The following PRDM10 variants were observed in gnomAD, a reference collection of about 807,000 sequenced individuals.
PRDM10 encodes PR domain zinc finger protein 10.
Under a neutral mutation model 133.1 loss-of-function variants are expected in PRDM10, and 65 were observed. The ratio of observed to expected loss-of-function variants is 0.49; its 90% CI spans 0.40 to 0.60. PRDM10 has a LOEUF of 0.60. Ranked by LOEUF, PRDM10 falls within the 20% of genes least tolerant of loss-of-function variation. The pLI, the probability that PRDM10 is intolerant of heterozygous loss-of-function variation, is 0.00. For synonymous variants in PRDM10, 582 were observed against 580.4 expected (o/e 1.00, Z -0.04); for missense variants, 1,137 against 1,507.1 (o/e 0.75, Z 4.07).
rs1950648211 is a variant in PRDM10, at chr11:129,925,448, G to C, written c.1531-219C>G. Among the ~76,000 whole-genome samples the C allele has an allele frequency of 1.3e-5, 2 of 151,758 alleles. 1 individual carries two copies. Among genetic ancestry groups the C allele is most frequent in the South Asian group, 4.2e-4 (2 of 4,816 alleles). On this transcript the variant is annotated intron_variant, in intron 11 of 20. Transcript: ENST00000360871. The stretch of plus-strand genomic sequence containing the variant: ...CATCTTAAAGAGATGAAATTTTTTT[G>C]TGTTTTGTTTTACATCTATGTATGT...
chr11:129,989,304 T>C (rs553095713), intron 1 of PRDM10, among the ~76,000 whole-genome samples: 1 of 151,680 alleles, frequency 6.6e-6, no homozygotes, highest in Non-Finnish European at 1.5e-5. Context: ...ACCCTGCCTC[T>C]GGGAGGGAAA....
chr11:129,977,353 G>A (rs1311364023), intron 1 of PRDM10, among the ~76,000 whole-genome samples: 3 of 151,104 alleles, frequency 2.0e-5, no homozygotes, highest in Non-Finnish European at 2.9e-5. Context: ...GCGCGATCTC[G>A]GCTCACTGCA....
chr11:129,942,208 T>C (rs547782851), intron 7 of PRDM10, among the ~76,000 whole-genome samples: 1 of 152,306 alleles, frequency 6.6e-6, no homozygotes, highest in Admixed American at 6.5e-5. Flanking sequence ...ACATAGGCCC[T>C]TTGATTAGCA....
At chr11:129,985,811 T>TAC (rs1938406644) in intron 1 of PRDM10, among the ~76,000 whole-genome samples, 1 of 60,296 alleles carries the variant, frequency 1.7e-5, no homozygotes, top group Admixed American at 1.9e-4. Flanking sequence ...AAAAAAAAAA[T>TAC]ATATATATAT....
chr11:129,969,455 C>G (rs1951970963), intron 1 of PRDM10, among the ~76,000 whole-genome samples: 2 of 152,074 alleles, frequency 1.3e-5, no homozygotes, highest in African/African-American at 4.8e-5. Context: ...CTGAGCTCCA[C>G]CTTCTTCATA....
At chr11:129,917,402 T>A (rs1407422467) in intron 14 of PRDM10, among the ~76,000 whole-genome samples, 165 bp from the exon 15 acceptor site, 1 of 152,222 alleles carries the variant, frequency 6.6e-6, no homozygotes. Context: ...CCCCATCTGA[T>A]GCCAAAGCAC....
rs1027559755 is a variant in PRDM10 at position 129,947,897 on chromosome 11, C to G, written c.295-527G>C. 2.2e-5 allele frequency: 8 copies of G among 372,024 alleles called. No homozygotes were observed. The highest frequency in any genetic ancestry group is 4.2e-5 in the Non-Finnish European group (8 of 189,190). The allele number at this position is 372,024 out of a possible 1,614,324, so 23.0% of individuals were successfully genotyped here. A position where few individuals can be genotyped will look rare whatever the true frequency, so the allele number is the denominator to read the frequency against. ...TGGGGTGGGGGTCCCTCTTGCCTTT[C>G]CAGAGTAGCCATACCACACTGGAGG... On this transcript the variant is annotated intron_variant, in intron 4 of 20. Transcript: ENST00000360871. The surrounding 1 kb of genome is among the most constrained non-coding windows in gnomAD (Gnocchi z 4.6).
Position 129,947,665 on chromosome 11 carries a change from G to T in PRDM10, c.295-295C>A. On this transcript the variant is annotated intron_variant, in intron 4 of 20. Coordinates refer to ENST00000360871, the MANE Select transcript of PRDM10 (RefSeq NM_199437.2). This position sits in a 1 kb window ranked among gnomAD's most constrained non-coding sequence, Gnocchi z 4.6. ...GCTCCCTCCTTTGGCAGCAGTGGGA[G>T]AGTCAACACTGGCAAGGCCCTGACC... The T allele has an allele frequency of 1.2e-6, 1 of 859,520 alleles. No individual in the cohort carries two copies. Among genetic ancestry groups the T allele is most frequent in the South Asian group, 1.9e-5 (1 of 52,422 alleles). 53.2% of individuals were successfully genotyped at this position (859,520 alleles called of 1,614,324 possible). A position where few individuals can be genotyped will look rare whatever the true frequency, so the allele number is the denominator to read the frequency against.
intron 1 of PRDM10, among the ~76,000 whole-genome samples, chr11:129,971,818 C>T (rs924559713): frequency 2.6e-5 from 4 of 152,262 alleles, no homozygotes; most frequent in Non-Finnish European, 4.4e-5. Context: ...CTGCCAGTCC[C>T]GTGCCGTGCG....
At chr11:129,946,983 T>C (rs1951435202) in intron 5 of PRDM10, among the ~76,000 whole-genome samples, 162 bp downstream of exon 5, 1 of 152,140 alleles carries the variant, frequency 6.6e-6, no homozygotes, top group African/African-American at 2.4e-5. Context: ...CTCAAAGGGC[T>C]GCAGTGAAGG....
chr11:129,931,240 T>C lies in PRDM10; in HGVS notation c.1306A>G (p.Thr436Ala), dbSNP rs144886756. The C allele has an allele frequency of 4.5e-5, 73 of 1,613,820 alleles. 1 individual carries two copies. The African/African-American group carries it at 8.7e-4, about 19-fold the overall frequency. ...TCAGCCTCATCAAATTGCTCCTTTG[T>C]GGGAAAATGTAGCAAGTCCTGAAAT... is the stretch of plus-strand genomic sequence containing the variant. ...DGTQDLLHFPTKEQFDEAEPA... is the reference protein window; with the variant it reads ...DGTQDLLHFPAKEQFDEAEPA... The change falls in exon 11 of 21, where the codon ACA (threonine) becomes GCA (alanine). Residue 436 changes from threonine (T) to alanine (A), a missense_variant. Around this residue, in one of 6 missense-constraint regions of PRDM10, gnomAD observed 635 missense variants for 835.2 expected, o/e 0.76. Transcript: ENST00000360871.
At chr11:129,952,414 T>G (rs1296641403) in intron 4 of PRDM10, among the ~76,000 whole-genome samples, 4 of 152,172 alleles carry the variant, frequency 2.6e-5, no homozygotes, top group Non-Finnish European at 5.9e-5. Context: ...ATTTAGAAAA[T>G]CAATTATCAA....
chr11:130,001,561 C>T (rs527728509), intron 1 of PRDM10, among the ~76,000 whole-genome samples: 186 of 152,316 alleles, frequency 1.2e-3, no homozygotes, highest in South Asian at 5.0e-3. Context: ...AGCCACCTCT[C>T]CTTGTGCTTA....
At chr11:130,000,502 A>G (rs890287591) in intron 1 of PRDM10, among the ~76,000 whole-genome samples, 12 of 152,226 alleles carry the variant, frequency 7.9e-5, no homozygotes, top group Non-Finnish European at 4.4e-5. Context: ...AACCATTCAG[A>G]GCCCTTGAAG....
intron 20 of PRDM10, 48 bp from the exon 21 acceptor site, chr11:129,902,564 A>C (rs759702953): frequency 6.3e-7 from 1 of 1,581,444 alleles, no homozygotes; most frequent in South Asian, 1.1e-5. Context: ...CCTTAAAGGG[A>C]GGGTGAAGCT....
chr11:129,922,006 C>T (rs1413613372), intron 13 of PRDM10, among the ~76,000 whole-genome samples: 2 of 152,166 alleles, frequency 1.3e-5, no homozygotes, highest in East Asian at 1.9e-4. Flanking sequence ...TTTGACCACC[C>T]AGACCAGTAC....
intron 1 of PRDM10, among the ~76,000 whole-genome samples, chr11:129,978,905 G>T (rs1019474285): frequency 3.3e-5 from 5 of 152,174 alleles, no homozygotes; most frequent in African/African-American, 9.7e-5. Flanking sequence ...CCATTTGAGA[G>T]TTTGTTAGCG....
chr11:129,970,933 T>G (rs1591676453), intron 1 of PRDM10, among the ~76,000 whole-genome samples: 1 of 152,136 alleles, frequency 6.6e-6, no homozygotes, highest in African/African-American at 2.4e-5. Context: ...ACTTGTCACA[T>G]CCTAAAGCTG....
intron 8 of PRDM10, 139 bp downstream of exon 8, chr11:129,937,459 A>T: frequency 1.7e-6 from 1 of 596,276 alleles, no homozygotes; most frequent in Non-Finnish European, 2.9e-6. Flanking sequence ...AATTAGATGG[A>T]GATGTGTGTC....
Sources: allele counts gnomAD v4.1 joint callset (sites outside exome capture counted in the v4.1 genomes callset), GRCh38; gene constraint gnomAD v4.1.1; regional missense constraint gnomAD v4.1.1; non-coding constraint Gnocchi (gnomAD v3.1); transcripts MANE v1.5; gene names NCBI Gene and HGNC (gene_info 2026-07-23, HGNC 2026-07-21).